Variants in FADS3 observed in about 807,000 individuals in gnomAD.
FADS3 encodes fatty acid desaturase 3.
A neutral mutation model predicts 60.4 loss-of-function variants in FADS3; 30 were observed. The ratio of observed to expected loss-of-function variants is 0.50; its 90% CI spans 0.37 to 0.67. The LOEUF is 0.67. Among genes scored for constraint, FADS3 ranks in the 30% least tolerant of loss-of-function variants. FADS3 has a pLI of 0.00. For synonymous variants in FADS3, 234 were observed against 249.3 expected (o/e 0.94, Z 0.58); for missense variants, 432 against 598.3 (o/e 0.72, Z 2.90).
At position 61,877,351 on chromosome 11, in the gene FADS3, G is replaced by A. The variant is rs544964821; in HGVS notation, c.885+160C>T. The stretch of plus-strand genomic sequence containing the variant: ...ACGGGCACACTCGCTCTCCTGCTGC[G>A]CGCACACATGTGAGCCACACTGTTG... On this transcript the variant is annotated intron_variant, in intron 7 of 11. Transcript: ENST00000278829. This position sits in a 1 kb window ranked among gnomAD's most constrained non-coding sequence, Gnocchi z 4.7. 3.2e-5 allele frequency: 20 copies of A among 620,394 alleles called. No individual in the cohort carries two copies. Among genetic ancestry groups the A allele is most frequent in the South Asian group, 1.3e-4 (7 of 53,386 alleles). 38.4% of individuals were successfully genotyped at this position (620,394 alleles called of 1,614,324 possible).
chr11:61,886,614 C>A (rs1938328965), intron 1 of FADS3, among the ~76,000 whole-genome samples: 1 of 152,134 alleles, frequency 6.6e-6, no homozygotes, highest in Non-Finnish European at 1.5e-5. Context: ...CACCCAGACA[C>A]AAACCCCACC....
In FADS3 at chr11:61,878,499, C is replaced by T; in HGVS notation, c.747+13G>A. On this transcript the variant is annotated intron_variant, in intron 5 of 11. Transcript: ENST00000278829. ...GGCCCAGCCAGAGGTTGTCCACGTC[C>T]CTCCCCACCCACCTCGACGGATGAC... 1.2e-6 allele frequency: 2 copies of T among 1,612,450 alleles called. No individual in the cohort carries two copies. Among genetic ancestry groups the T allele is most frequent in the Non-Finnish European group, 1.7e-6 (2 of 1,179,074 alleles).
chr11:61,880,158 G>A lies in FADS3; in HGVS notation c.214-7C>T. On this transcript the variant is annotated splice_region_variant and splice_polypyrimidine_tract_variant and intron_variant, in intron 1 of 11. Transcript: ENST00000278829. ...GGAAGGCACGGAAGGCATCCTGAAG[G>A]AGAGCAGACAGTCAGGCGGACAGAC... 6.2e-7 allele frequency: 1 copy of A among 1,612,284 alleles called. No individual in the cohort carries two copies. Among genetic ancestry groups the A allele is most frequent in the Non-Finnish European group, 8.5e-7 (1 of 1,178,452 alleles).
Position 61,873,575 on chromosome 11 carries a change from C to T in FADS3, c.*239G>A, listed in dbSNP as rs1185005593. The T allele has an allele frequency of 1.2e-5, 7 of 564,946 alleles. No individual in the cohort carries two copies. The highest frequency in any genetic ancestry group is 6.4e-5 in the South Asian group (3 of 47,026). The allele number at this position is 564,946 out of a possible 1,614,324, so 35.0% of individuals were successfully genotyped here. A position where few individuals can be genotyped will look rare whatever the true frequency, so the allele number is the denominator to read the frequency against. Reference sequence around the variant, plus strand: ...AAAATAACAGCTTTCCCCCAATTCTCGCTCTAGGAAAATGTGCTATGCTCA... The same window carrying T: ...AAAATAACAGCTTTCCCCCAATTCTTGCTCTAGGAAAATGTGCTATGCTCA... On this transcript the variant is annotated 3_prime_UTR_variant, in exon 12 of 12. Coordinates refer to ENST00000278829, the MANE Select transcript of FADS3 (RefSeq NM_021727.5).
chr11:61,876,098 C>T lies in FADS3; in HGVS notation c.1160+13G>A, dbSNP rs1937868840. The T allele has an allele frequency of 6.2e-7, 1 of 1,609,394 alleles. No individual in the cohort carries two copies. The highest frequency in any genetic ancestry group is 2.2e-5 in the East Asian group (1 of 44,708). ...CTCCCCACCTCCCACTGGCCCCCAG[C>T]ACCCACACTCACTGGTGCTCGATCT... On this transcript the variant is annotated intron_variant, in intron 10 of 11. Coordinates refer to ENST00000278829, the MANE Select transcript of FADS3 (RefSeq NM_021727.5). The surrounding 1 kb of genome is among the most constrained non-coding windows in gnomAD (Gnocchi z 5.7).
intron 3 of FADS3, among the ~76,000 whole-genome samples, 197 bp downstream of exon 3, chr11:61,879,115 C>T (rs1938025962): frequency 6.6e-6 from 1 of 152,248 alleles, no homozygotes; most frequent in Non-Finnish European, 1.5e-5. Context: ...AACTTCTTGG[C>T]TCATCTGGAA....
In FADS3 at chr11:61,877,521, A is replaced by G. The variant is rs543881782; in HGVS notation, c.875T>C (p.Met292Thr). 1 of 1,613,438 alleles carries G rather than the reference A, an allele frequency of 6.2e-7. No individual in the cohort carries two copies. Among genetic ancestry groups the G allele is most frequent in the Admixed American group, 1.7e-5 (1 of 60,020 alleles). The change falls in exon 7 of 12, where the codon ATG becomes ACG. Residue 292 changes from methionine to threonine, a missense_variant. Around this residue, in one of 5 missense-constraint regions of FADS3, gnomAD observed 116 missense variants for 208.9 expected, o/e 0.56. Transcript: ENST00000278829. This position sits in a 1 kb window ranked among gnomAD's most constrained non-coding sequence, Gnocchi z 4.7. The stretch of plus-strand genomic sequence containing the variant: ...GGCAACCCCACTCACCGCCCACTGC[A>G]TGCACACCAGCATGTACGCCAGATT... ...VENLAYMLVC[M>T]QWADLLWAAS...
chr11:61,879,736 G>A (rs1565345652), intron 2 of FADS3, among the ~76,000 whole-genome samples: 1 of 152,234 alleles, frequency 6.6e-6, no homozygotes, highest in Non-Finnish European at 1.5e-5. Context: ...AGCCAGGAGA[G>A]AAATCAGTTC....
chr11:61,875,206 T>C (rs768340482), intron 11 of FADS3, among the ~76,000 whole-genome samples: 1 of 152,064 alleles, frequency 6.6e-6, no homozygotes, highest in African/African-American at 2.4e-5. Context: ...GCCTGAGACA[T>C]GGTTTTTTTG....
rs571623429 is a variant in FADS3, at chr11:61,876,030, C to T, written c.1161-54G>A. On this transcript the variant is annotated intron_variant, in intron 10 of 11. Coordinates refer to ENST00000278829, the MANE Select transcript of FADS3 (RefSeq NM_021727.5). This position sits in a 1 kb window ranked among gnomAD's most constrained non-coding sequence, Gnocchi z 5.7. ...TGAAGTGGGAGATTCCAGAGAGAGGCCCCACCCACGGGTCCCCTCCCAGGA... is the reference window on the plus strand; with the variant it reads ...TGAAGTGGGAGATTCCAGAGAGAGGTCCCACCCACGGGTCCCCTCCCAGGA... 1.4e-5 allele frequency: 23 copies of T among 1,611,592 alleles called. No homozygotes were observed. Among genetic ancestry groups the T allele is most frequent in the Non-Finnish European group, 1.8e-5 (21 of 1,178,916 alleles).
At position 61,873,636 on chromosome 11, in the gene FADS3, C is replaced by T. The variant is rs1343744200; in HGVS notation, c.*178G>A. ...ACCCCTGTCCCATCAGGCCCAGAGC[C>T]AAGGCCATAGGGCTGCTGAATACAC... On this transcript the variant is annotated 3_prime_UTR_variant, in exon 12 of 12. Transcript: ENST00000278829. 1.6e-6 allele frequency: 1 copy of T among 627,328 alleles called. No individual in the cohort carries two copies. The highest frequency in any genetic ancestry group is 2.9e-6 in the Non-Finnish European group (1 of 345,912). 38.9% of individuals were successfully genotyped at this position (627,328 alleles called of 1,614,324 possible).
chr11:61,874,324 G>C (rs937960228), intron 11 of FADS3, among the ~76,000 whole-genome samples: 15 of 152,230 alleles, frequency 9.9e-5, no homozygotes, highest in Non-Finnish European at 1.5e-4. Context: ...AATGGCAGGG[G>C]CTCAGAGCAT....
At position 61,877,426 on chromosome 11, in the gene FADS3, G is replaced by T; in HGVS notation, c.885+85C>A. On this transcript the variant is annotated intron_variant, in intron 7 of 11. Coordinates refer to ENST00000278829, the MANE Select transcript of FADS3 (RefSeq NM_021727.5). The surrounding 1 kb of genome is among the most constrained non-coding windows in gnomAD (Gnocchi z 4.7). The stretch of plus-strand genomic sequence containing the variant: ...TTGCACGCACATGTGCACCCTGTTT[G>T]CCTTCATGGGCAGGTACTGTCCCCC... 7.8e-7 allele frequency: 1 copy of T among 1,275,598 alleles called. No homozygotes were observed. The highest frequency in any genetic ancestry group is 1.1e-6 in the Non-Finnish European group (1 of 886,134). 79.0% of individuals were successfully genotyped at this position (1,275,598 alleles called of 1,614,324 possible).
At position 61,877,581 on chromosome 11, in the gene FADS3, G is replaced by A. The variant is rs747025936; in HGVS notation, c.815C>T (p.Pro272Leu). The part of the protein sequence containing the change: ...QQHLYFFLIG[P>L]PLLTLVNFEV... ...AAAGTTCACCAGGGTGAGCAGCGGC[G>A]GGCCGACTGCAAGAAGGGGCATGAG... The change falls in exon 7 of 12, where the codon CCG (proline) becomes CTG (leucine). Residue 272 changes from proline (P) to leucine (L), a missense_variant. Pro to Leu is a moderately conservative substitution (Grantham distance 98, BLOSUM62 -3). Around this residue, in one of 5 missense-constraint regions of FADS3, gnomAD observed 116 missense variants for 208.9 expected, o/e 0.56. Coordinates refer to ENST00000278829, the MANE Select transcript of FADS3 (RefSeq NM_021727.5). This position sits in a 1 kb window ranked among gnomAD's most constrained non-coding sequence, Gnocchi z 4.7. 7.4e-6 allele frequency: 12 copies of A among 1,613,594 alleles called. No individual in the cohort carries two copies. Among genetic ancestry groups the A allele is most frequent in the South Asian group, 2.2e-5 (2 of 91,066 alleles).
rs1591191192 is a variant in FADS3, at chr11:61,876,981, G to C, written c.886-18C>G. On this transcript the variant is annotated intron_variant, in intron 7 of 11. Transcript: ENST00000278829. This position sits in a 1 kb window ranked among gnomAD's most constrained non-coding sequence, Gnocchi z 5.7. ...AGCAAATCCTGCAGAGGAGGGCAGA[G>C]GCGATACCGAGAGGTCTCCAGGTGC... 2 of 1,562,020 alleles carry C rather than the reference G, an allele frequency of 1.3e-6. No homozygotes were observed. The highest frequency in any genetic ancestry group is 2.3e-5 in the South Asian group (2 of 85,148).
intron 1 of FADS3, among the ~76,000 whole-genome samples, chr11:61,890,027 G>A (rs571350166): frequency 1.3e-5 from 2 of 151,890 alleles, no homozygotes; most frequent in South Asian, 4.2e-4. Flanking sequence ...ACACCTGCAC[G>A]CTCAAATACT....
chr11:61,876,990 G>A lies in FADS3; in HGVS notation c.886-27C>T, dbSNP rs754712144. ...TGCAGAGGAGGGCAGAGGCGATACCGAGAGGTCTCCAGGTGCCCGGAGGTC... is the reference window on the plus strand; with the variant it reads ...TGCAGAGGAGGGCAGAGGCGATACCAAGAGGTCTCCAGGTGCCCGGAGGTC... On this transcript the variant is annotated intron_variant, in intron 7 of 11. Transcript: ENST00000278829. This position sits in a 1 kb window ranked among gnomAD's most constrained non-coding sequence, Gnocchi z 5.7. 8 of 1,529,728 alleles carry A rather than the reference G, an allele frequency of 5.2e-6. No homozygotes were observed. Among genetic ancestry groups the A allele is most frequent in the South Asian group, 2.4e-5 (2 of 82,598 alleles). The allele number at this position is 1,529,728 out of a possible 1,614,324, so 94.8% of individuals were successfully genotyped here.
In FADS3 at chr11:61,878,558, T is replaced by C. The variant is rs754456378; in HGVS notation, c.701A>G (p.Asp234Gly). ...AKPNIFHKDP[D>G]VTVAPVFLLG... is the part of the protein sequence containing the mutation. ...GAGGAAGACGGGCGCCACCGTCACG[T>C]CTGGGTCTTTGTGGAAGATGTTGGG... is the stretch of plus-strand genomic sequence containing the variant. Residue 234 changes from aspartate to glycine, a missense_variant, in exon 5 of 12, where the codon GAC becomes GGC. By Grantham distance (94) the Asp-to-Gly change is moderately conservative. This residue lies in a region of FADS3 where 116 missense variants were observed against 208.9 expected (regional missense o/e 0.56). Transcript: ENST00000278829. 1 of 1,613,992 alleles carries C rather than the reference T, an allele frequency of 6.2e-7. No individual in the cohort carries two copies. Among genetic ancestry groups the C allele is most frequent in the Non-Finnish European group, 8.5e-7 (1 of 1,180,014 alleles).
intron 11 of FADS3, among the ~76,000 whole-genome samples, chr11:61,875,208 G>T (rs530507138): frequency 1.6e-4 from 25 of 152,110 alleles, no homozygotes; most frequent in Non-Finnish European, 3.5e-4. Flanking sequence ...CTGAGACATG[G>T]TTTTTTTGTT....
Sources: allele counts gnomAD v4.1 joint callset (sites outside exome capture counted in the v4.1 genomes callset), GRCh38; gene constraint gnomAD v4.1.1; regional missense constraint gnomAD v4.1.1; non-coding constraint Gnocchi (gnomAD v3.1); transcripts MANE v1.5; gene names NCBI Gene and HGNC (gene_info 2026-07-23, HGNC 2026-07-21).